EYS: variants seen among roughly 807,000 people sequenced by gnomAD.
The protein encoded by EYS is EGF-like photoreceptor maintenance factor.
A neutral mutation model predicts 282.1 loss-of-function variants in EYS; 250 were observed. That is an observed-to-expected ratio of 0.89 (90% CI 0.80 to 0.98). The LOEUF (loss-of-function observed/expected upper bound fraction) is 0.98, where lower values mean the gene tolerates loss of function less well. EYS is among the 50% of genes least tolerant of loss of function. The probability of loss-of-function intolerance (pLI) is 0.00; values close to 1 mark genes in which losing one functional copy is unlikely to be tolerated. For missense variants in EYS, 4,016 were observed against 3,709.0 expected, an observed-to-expected ratio of 1.08 and a Z score of -2.15; for synonymous variants, 1,355 against 1,282.9, an observed-to-expected ratio of 1.06 and a Z score of -1.20.
chr6:64,552,525 C>G (rs911307829), intron 26 of EYS, among the ~76,000 whole-genome samples: 15 of 152,142 alleles, frequency 9.9e-5, no homozygotes, highest in Non-Finnish European at 1.6e-4. Flanking sequence ...ATAATAAGAA[C>G]CCGGGTCTCT....
At chr6:64,474,019 A>T (rs1171594032) in intron 26 of EYS, among the ~76,000 whole-genome samples, 1 of 152,134 alleles carries the variant, frequency 6.6e-6, no homozygotes. Context: ...ATAAATTCTT[A>T]TATCCCCATT....
chr6:64,564,617 A>G (rs6937762), intron 26 of EYS, among the ~76,000 whole-genome samples: 4,594 of 152,118 alleles, frequency 0.03, 152 homozygotes, highest in East Asian at 0.11. Flanking sequence ...ATATATGTGC[A>G]GAATGTACAG....
At chr6:64,524,745 C>T (rs1332515303) in intron 26 of EYS, among the ~76,000 whole-genome samples, 1 of 151,614 alleles carries the variant, frequency 6.6e-6, no homozygotes, top group East Asian at 1.9e-4. Context: ...TCATTGCTTG[C>T]TTTTGTCAAC....
intron 35 of EYS, among the ~76,000 whole-genome samples, chr6:63,962,465 T>A (rs1450574244): frequency 6.6e-6 from 1 of 152,140 alleles, no homozygotes; most frequent in African/African-American, 2.4e-5. Context: ...GAACAGACAC[T>A]TCTCAAAAGA....
chr6:65,265,616 A>C (rs1767733157), intron 12 of EYS, among the ~76,000 whole-genome samples: 1 of 152,046 alleles, frequency 6.6e-6, no homozygotes, highest in Non-Finnish European at 1.5e-5. Flanking sequence ...AAAGTGCAAA[A>C]GAAATTATAT....
chr6:63,782,225 T>C (rs1770248258), intron 39 of EYS, among the ~76,000 whole-genome samples: 1 of 152,208 alleles, frequency 6.6e-6, no homozygotes, highest in Non-Finnish European at 1.5e-5. Context: ...TTGTGTTGTT[T>C]CTCTGCCAGG....
At chr6:64,428,107 A>T (rs2150457496) in intron 28 of EYS, among the ~76,000 whole-genome samples, 1 of 152,204 alleles carries the variant, frequency 6.6e-6, no homozygotes, top group East Asian at 1.9e-4. Flanking sequence ...AGTTAATGAG[A>T]ATTAAAATTT....
At chr6:63,729,913 G>A (rs13199805) in intron 41 of EYS, among the ~76,000 whole-genome samples, 57,814 of 151,764 alleles carry the variant, frequency 0.38, 11,367 homozygotes, top group African/African-American at 0.47. Flanking sequence ...GAAAATTTAC[G>A]TCTATCTAAA....
At chr6:64,906,921 A>G (rs1400329381) in intron 16 of EYS, among the ~76,000 whole-genome samples, 4 of 152,212 alleles carry the variant, frequency 2.6e-5, no homozygotes, top group Non-Finnish European at 5.9e-5. Flanking sequence ...CTTGACATGT[A>G]TTTCTAGGCT....
chr6:64,986,900 C>A (rs1240075044), intron 14 of EYS, among the ~76,000 whole-genome samples: 1 of 151,128 alleles, frequency 6.6e-6, no homozygotes, highest in Non-Finnish European at 1.5e-5. Context: ...TGGCAAATGA[C>A]AGAAATCTGT....
chr6:64,277,022 T>C (rs1201060986), intron 30 of EYS, among the ~76,000 whole-genome samples: 1 of 152,134 alleles, frequency 6.6e-6, no homozygotes, highest in African/African-American at 2.4e-5. Flanking sequence ...ATCAAAACAA[T>C]ATATTCTATG....
chr6:65,420,865 G>C, intron 5 of EYS, among the ~76,000 whole-genome samples: 1 of 151,792 alleles, frequency 6.6e-6, no homozygotes, highest in Non-Finnish European at 1.5e-5. Context: ...GTAATATCTT[G>C]AAAGGAATAT....
chr6:65,097,304 G>A (rs1018898992), intron 12 of EYS, among the ~76,000 whole-genome samples: 1 of 150,562 alleles, frequency 6.6e-6, no homozygotes, highest in Admixed American at 6.6e-5. Flanking sequence ...GTAATTAATC[G>A]ACAGCTGTTA....
At chr6:65,517,347 A>ATAAAAT (rs1554205543) in intron 2 of EYS, among the ~76,000 whole-genome samples, 21 of 151,632 alleles carry the variant, frequency 1.4e-4, no homozygotes, top group African/African-American at 5.1e-4. Context: ...ACAACAAAAA[A>ATAAAAT]AAAACAAAAG....
intron 33 of EYS, among the ~76,000 whole-genome samples, chr6:64,026,291 G>C (rs141392861): frequency 1.3e-5 from 2 of 152,262 alleles, no homozygotes; most frequent in Non-Finnish European, 1.5e-5. Flanking sequence ...TCCAGGGTCC[G>C]TTGTGGGTTC....
Position 64,633,191 on chromosome 6 carries a change from A to G in EYS, c.3444-6946T>C, listed in dbSNP as rs529384827. Among the ~76,000 whole-genome samples the G allele has an allele frequency of 4.7e-4, 72 of 152,298 alleles. 1 individual carries two copies. The South Asian group carries it at 0.014, about 30-fold the overall frequency. ...TGTAACATAAACCAAAGTTTCCTGA[A>G]ACCACTTTAAAAACTAGAATATTGT... On this transcript the variant is annotated intron_variant, in intron 22 of 42. Coordinates refer to ENST00000503581, the MANE Select transcript of EYS (RefSeq NM_001142800.2).
At chr6:65,059,679 G>C (rs967294051) in intron 12 of EYS, among the ~76,000 whole-genome samples, 5 of 151,944 alleles carry the variant, frequency 3.3e-5, no homozygotes, top group African/African-American at 1.2e-4. Flanking sequence ...AAAATGAAGG[G>C]GAGGAACTTC....
At chr6:65,134,525 T>G (rs907742473) in intron 12 of EYS, among the ~76,000 whole-genome samples, 1 of 151,990 alleles carries the variant, frequency 6.6e-6, no homozygotes, top group African/African-American at 2.4e-5. Context: ...ATGTTCTCAC[T>G]TATAAGGGGA....
At chr6:65,145,216 A>G (rs1764446972) in intron 12 of EYS, among the ~76,000 whole-genome samples, 1 of 152,018 alleles carries the variant, frequency 6.6e-6, no homozygotes, top group Admixed American at 6.6e-5. Context: ...ACTACTACTA[A>G]TTTATTTGAT....
Sources: allele counts gnomAD v4.1 joint callset (sites outside exome capture counted in the v4.1 genomes callset), GRCh38; gene constraint gnomAD v4.1.1; transcripts MANE v1.5; gene names NCBI Gene and HGNC (gene_info 2026-07-23, HGNC 2026-07-21).